PARD3B: variants seen among roughly 807,000 people sequenced by gnomAD.
PARD3B encodes the protein par-3 family cell polarity regulator beta.
In PARD3B, 103 loss-of-function variants were observed where a neutral mutation model predicts 130.2. That is an observed-to-expected ratio of 0.79 (90% CI 0.67 to 0.93). The LOEUF (loss-of-function observed/expected upper bound fraction) is 0.93. Among genes scored for constraint, PARD3B ranks in the 40% least tolerant of loss-of-function variants. PARD3B has a pLI of 0.00. For synonymous variants in PARD3B, 583 were observed against 553.2 expected, an observed-to-expected ratio of 1.05 and a Z score of -0.76; for missense variants, 1,609 against 1,499.2, an observed-to-expected ratio of 1.07 and a Z score of -1.21.
intron 18 of PARD3B, among the ~76,000 whole-genome samples, chr2:205,354,434 A>G (rs1046954546): frequency 3.3e-5 from 5 of 151,378 alleles, no homozygotes; most frequent in South Asian, 2.1e-4. Flanking sequence ...CGTTGTGCGC[A>G]TATACCCTAA....
At chr2:205,613,965 G>C (rs1365261457) in intron 22 of PARD3B, among the ~76,000 whole-genome samples, 4 of 152,180 alleles carry the variant, frequency 2.6e-5, no homozygotes, top group Non-Finnish European at 5.9e-5. Context: ...TGTCCTAGCA[G>C]TGTGTCTGAC....
At chr2:204,957,227 T>G (rs1401367550) in intron 2 of PARD3B, among the ~76,000 whole-genome samples, 1 of 152,194 alleles carries the variant, frequency 6.6e-6, no homozygotes, top group Non-Finnish European at 1.5e-5. Flanking sequence ...TGTATCTGGC[T>G]TCTTTAGGAA....
chr2:205,442,576 G>A (rs1250280907), intron 20 of PARD3B, among the ~76,000 whole-genome samples: 2 of 152,052 alleles, frequency 1.3e-5, no homozygotes, highest in Admixed American at 6.5e-5. Context: ...GCTGGGATTT[G>A]AGGCATAAGC....
rs2040598998 is a variant in PARD3B, at chr2:205,268,496, T to G, written c.2185+22674T>G. 6.6e-6 allele frequency among the ~76,000 whole-genome samples: 1 copy of G among 152,100 alleles called. No individual in the cohort carries two copies. Among genetic ancestry groups the G allele is most frequent in the African/African-American group, 2.4e-5 (1 of 41,410 alleles). ...TTAAGATTCTATGCTTCTCTGGGTG[T>G]TAAAAGTCCACTGGAAAATAAGAGA... On this transcript the variant is annotated intron_variant, in intron 16 of 22. Coordinates refer to ENST00000406610, the MANE Select transcript of PARD3B (RefSeq NM_001302769.2). The surrounding 1 kb of genome is among the most constrained non-coding windows in gnomAD (Gnocchi z 4.1).
chr2:204,661,422 C>A (rs1422314783), intron 1 of PARD3B, among the ~76,000 whole-genome samples: 1 of 152,120 alleles, frequency 6.6e-6, no homozygotes, highest in Non-Finnish European at 1.5e-5. Flanking sequence ...AACTTACTTT[C>A]CCCTTTAAAA....
At chr2:205,217,969 T>G (rs950047375) in intron 15 of PARD3B, among the ~76,000 whole-genome samples, 1 of 146,596 alleles carries the variant, frequency 6.8e-6, no homozygotes, top group Non-Finnish European at 1.5e-5. Context: ...AATGGCTCAC[T>G]GCAACCTCCA....
intron 15 of PARD3B, among the ~76,000 whole-genome samples, chr2:205,221,254 G>A (rs1224237915): frequency 1.3e-5 from 2 of 152,182 alleles, no homozygotes; most frequent in African/African-American, 4.8e-5. Flanking sequence ...TGTGTTAGAA[G>A]CCCTGCCAGT....
intron 2 of PARD3B, among the ~76,000 whole-genome samples, chr2:204,811,099 GA>G (rs1357238033): frequency 6.6e-6 from 1 of 152,104 alleles, no homozygotes; most frequent in Non-Finnish European, 1.5e-5. Context: ...CATGTGCATG[GA>G]GTTGTTTCTG....
chr2:204,637,696 A>G (rs1414222822), intron 1 of PARD3B, among the ~76,000 whole-genome samples: 1 of 151,646 alleles, frequency 6.6e-6, no homozygotes, highest in Non-Finnish European at 1.5e-5. Context: ...AAAGGCTATA[A>G]TAGTTTATGA....
intron 22 of PARD3B, among the ~76,000 whole-genome samples, chr2:205,607,929 C>A (rs2055074439): frequency 6.6e-6 from 1 of 151,110 alleles, no homozygotes; most frequent in Admixed American, 6.6e-5. Flanking sequence ...TACTCCTTGC[C>A]CTTGGTGAAG....
At chr2:205,303,790 A>G (rs1225337440) in intron 18 of PARD3B, among the ~76,000 whole-genome samples, 1 of 152,164 alleles carries the variant, frequency 6.6e-6, no homozygotes, top group South Asian at 2.1e-4. Flanking sequence ...TGGGGTGACA[A>G]TCTCCTATTA....
chr2:204,993,876 T>C (rs1245509381), intron 3 of PARD3B, among the ~76,000 whole-genome samples: 1 of 151,750 alleles, frequency 6.6e-6, no homozygotes, highest in Admixed American at 6.6e-5. Context: ...TAGAGGTGTT[T>C]GTAGTATTCT....
At chr2:204,965,402 G>C in intron 3 of PARD3B, 79 bp downstream of exon 3, 1 of 1,389,080 alleles carries the variant, frequency 7.2e-7, no homozygotes, top group Non-Finnish European at 9.9e-7. Context: ...TTTCTTCTTT[G>C]TGACTTTCAT....
At chr2:205,010,098 C>T (rs996470198) in intron 3 of PARD3B, among the ~76,000 whole-genome samples, 1 of 152,064 alleles carries the variant, frequency 6.6e-6, no homozygotes, top group African/African-American at 2.4e-5. Context: ...CAATTTTAAA[C>T]AACAATACTG....
chr2:205,135,668 A>T (rs1575908008), intron 10 of PARD3B, among the ~76,000 whole-genome samples: 1 of 151,918 alleles, frequency 6.6e-6, no homozygotes, highest in Non-Finnish European at 1.5e-5. Context: ...CTGTCCCCAA[A>T]GATTCTCTGG....
At chr2:204,732,838 A>G (rs1159278654) in intron 2 of PARD3B, among the ~76,000 whole-genome samples, 2 of 152,156 alleles carry the variant, frequency 1.3e-5, no homozygotes, top group African/African-American at 4.8e-5. Context: ...TTGGAGAAAA[A>G]TGCCTGATTT....
At chr2:205,581,691 A>G (rs1350500704) in intron 22 of PARD3B, among the ~76,000 whole-genome samples, 1 of 151,920 alleles carries the variant, frequency 6.6e-6, no homozygotes, top group Admixed American at 6.6e-5. Context: ...TACACATTGT[A>G]TGTCTGTATC....
At chr2:205,024,854 G>A in intron 3 of PARD3B, among the ~76,000 whole-genome samples, 1 of 152,156 alleles carries the variant, frequency 6.6e-6, no homozygotes, top group Non-Finnish European at 1.5e-5. Context: ...TAAACAGCAT[G>A]CCCTCTGGCA....
At chr2:204,740,347 A>C (rs1375376271) in intron 2 of PARD3B, among the ~76,000 whole-genome samples, 1 of 152,164 alleles carries the variant, frequency 6.6e-6, no homozygotes, top group Non-Finnish European at 1.5e-5. Flanking sequence ...CATCTTCGGC[A>C]CATTTATTTT....
Sources: gnomAD v4.1 joint callset for allele counts (sites outside exome capture counted in the v4.1 genomes callset) on GRCh38, gnomAD v4.1.1 for gene constraint, Gnocchi (gnomAD v3.1) non-coding constraint, MANE v1.5 for transcripts, NCBI Gene and HGNC (gene_info 2026-07-23, HGNC 2026-07-21) for gene names.